The following BTN3A2 variants were observed in gnomAD, a reference collection of about 807,000 sequenced individuals.
BTN3A2 encodes butyrophilin subfamily 3 member A2.
Under a neutral mutation model 37.6 loss-of-function variants are expected in BTN3A2, and 25 were observed. That is an observed-to-expected ratio of 0.66 (90% CI 0.48 to 0.93). BTN3A2 has a LOEUF of 0.93. Ranked by LOEUF, BTN3A2 falls within the 40% of genes least tolerant of loss-of-function variation. The pLI, the probability that BTN3A2 is intolerant of heterozygous loss-of-function variation, is 0.00. For missense variants in BTN3A2, 266 were observed against 410.9 expected (o/e 0.65, Z 3.05); for synonymous variants, 122 against 159.4 (o/e 0.77, Z 1.77).
rs887331034 is a variant in BTN3A2 at position 26,366,156 on chromosome 6, G to A, written c.-67+804G>A. ...TGAGCCTACTCTGACTCAGAAAGCC[G>A]CTCCTAAAGAAGAAAAAAGAACAAA... On this transcript the variant is annotated intron_variant, in intron 1 of 10. Coordinates refer to ENST00000377708, the MANE Select transcript of BTN3A2 (RefSeq NM_007047.5). 8.6e-5 allele frequency among the ~76,000 whole-genome samples: 13 copies of A among 151,858 alleles called. No individual in the cohort carries two copies. The East Asian group carries it at 9.6e-4, about 11-fold the overall frequency.
rs1985732 is a variant in BTN3A2, at chr6:26,375,933, A to G, written c.*171A>G. 0.28 allele frequency: 398,202 copies of G among 1,397,376 alleles called. 58,114 individuals are homozygous for G. Among genetic ancestry groups the G allele is most frequent in the African/African-American group, 0.34 (23,622 of 69,912 alleles). 86.6% of individuals were successfully genotyped at this position (1,397,376 alleles called of 1,614,324 possible). On this transcript the variant is annotated 3_prime_UTR_variant, in exon 11 of 11. Transcript: ENST00000377708. ...TGAAAATTAACCTCTGAGGGCCAGCACAGCAGCTCATGCCTGTAATCCTAG... is the reference window on the plus strand; with the variant it reads ...TGAAAATTAACCTCTGAGGGCCAGCGCAGCAGCTCATGCCTGTAATCCTAG...
intron 9 of BTN3A2, 98 bp downstream of exon 9, chr6:26,374,471 C>T (rs1760501883): frequency 7.5e-7 from 1 of 1,338,386 alleles, no homozygotes; most frequent in Admixed American, 1.8e-5. Context: ...AATCTAAAGA[C>T]TCAATTTCTG....
chr6:26,372,644 G>A (rs1760225153), intron 5 of BTN3A2: 2 of 475,702 alleles, frequency 4.2e-6, no homozygotes, highest in Admixed American at 3.6e-5. Context: ...GAAAAAATGT[G>A]TATGACTTTG....
intron 10 of BTN3A2, 103 bp downstream of exon 10, chr6:26,374,901 C>T (rs1760555635): frequency 8.0e-7 from 1 of 1,248,948 alleles, no homozygotes; most frequent in Admixed American, 2.2e-5. Flanking sequence ...AGAAAAGTTC[C>T]CTTGACTTCC....
rs775506261 is a variant in BTN3A2, at chr6:26,368,780, C to A, written c.301C>A (p.Arg101=). Residue 101 remains arginine (R), a synonymous_variant, in exon 4 of 11, where the codon CGG becomes AGG. Transcript: ENST00000377708. ...APYRGRTSIL[R]DGITAGKAAL... ...GTATCGAGGGAGAACTTCGATTCTG[C>A]GGGATGGCATCACTGCAGGGAAGGC... The A allele has an allele frequency of 5.0e-6, 8 of 1,611,012 alleles. No homozygotes were observed. In the East Asian group the frequency reaches 1.6e-4, roughly 31 times the overall value.
At position 26,378,265 on chromosome 6, in the gene BTN3A2, A is replaced by G. The variant is rs183301625; in HGVS notation, c.*2503A>G. The G allele has an allele frequency of 6.6e-6, 1 of 152,168 alleles. No homozygotes were observed. The highest frequency in any genetic ancestry group is 2.4e-5 in the African/African-American group (1 of 41,416). The allele number at this position is 152,168 out of a possible 1,614,324, so 9.4% of individuals were successfully genotyped here. ...ACCACTGTATCCCCTCTACTGGGCA[A>G]GTGCTTGTCAAGTTCTAGTTGTTCA... On this transcript the variant is annotated 3_prime_UTR_variant, in exon 11 of 11. Coordinates refer to ENST00000377708, the MANE Select transcript of BTN3A2 (RefSeq NM_007047.5).
chr6:26,370,066 CT>C (rs959210282), intron 4 of BTN3A2, among the ~76,000 whole-genome samples: 8 of 152,196 alleles, frequency 5.3e-5, no homozygotes, highest in African/African-American at 1.9e-4. Flanking sequence ...TGAATCTCTT[CT>C]TTTTTGTGTT....
intron 4 of BTN3A2, among the ~76,000 whole-genome samples, chr6:26,369,491 G>A (rs956654345): frequency 6.6e-6 from 1 of 152,184 alleles, no homozygotes; most frequent in Non-Finnish European, 1.5e-5. Flanking sequence ...TTGGGGCCGG[G>A]GGAGTTCATA....
intron 4 of BTN3A2, 131 bp from the exon 5 acceptor site, chr6:26,370,191 C>A (rs1159117121): frequency 1.6e-6 from 2 of 1,255,684 alleles, no homozygotes; most frequent in Non-Finnish European, 2.2e-6. Context: ...TCATCATGAC[C>A]ACACTTTTGT....
Position 26,370,464 on chromosome 6 carries a change from A to G in BTN3A2, c.576A>G (p.Ala192=), listed in dbSNP as rs779068325. The G allele has an allele frequency of 6.2e-7, 1 of 1,614,068 alleles. No individual in the cohort carries two copies. Among genetic ancestry groups the G allele is most frequent in the Non-Finnish European group, 8.5e-7 (1 of 1,180,042 alleles). The change falls in exon 5 of 11, where the codon GCA becomes GCG. Residue 192 remains alanine (A), a synonymous_variant. Transcript: ENST00000377708. ...GAGAGAACATCCCAGCTGTGGAAGC[A>G]CCTGTGGTTGCAGATGGAGTGGGCC... is the stretch of plus-strand genomic sequence containing the variant. ...AKGENIPAVE[A]PVVADGVGLY...
intron 1 of BTN3A2, among the ~76,000 whole-genome samples, 173 bp downstream of exon 1, chr6:26,365,525 T>TACATGTGC (rs1761982084): frequency 6.6e-6 from 1 of 151,140 alleles, no homozygotes; most frequent in Non-Finnish European, 1.5e-5. Context: ...TGTACATGTG[T>TACATGTGC]ACATGTGCAC....
chr6:26,365,448 C>T, intron 1 of BTN3A2, 96 bp downstream of exon 1: 2 of 1,400,426 alleles, frequency 1.4e-6, no homozygotes, highest in Non-Finnish European at 1.9e-6. Context: ...AGGGAGAGTA[C>T]TCTCCCAGAG....
rs1554126089 is a variant in BTN3A2, at chr6:26,374,307, C to T, written c.965-20C>T. The T allele has an allele frequency of 6.5e-7, 1 of 1,546,854 alleles. No individual in the cohort carries two copies. The highest frequency in any genetic ancestry group is 8.8e-7 in the Non-Finnish European group (1 of 1,141,162). On this transcript the variant is annotated intron_variant, in intron 8 of 10. Transcript: ENST00000377708. ...AAAAGGCAGAGTTCTGGTGACACCT[C>T]TACCTTTCTTTCATTGTAGGTGGAG...
chr6:26,374,374 G>T lies in BTN3A2; in HGVS notation c.*6+1G>T. ...TACCAATAAGTCAGCCTGATGCTCT[G>T]TAAGTTTGCTGGGTCACATGCCCTG... On this transcript the variant is annotated splice_donor_variant, in intron 9 of 10. Transcript: ENST00000377708. LOFTEE classifies it low-confidence loss of function (3UTR_SPLICE). 1 of 1,613,664 alleles carries T rather than the reference G, an allele frequency of 6.2e-7. No homozygotes were observed. The highest frequency in any genetic ancestry group is 1.1e-5 in the South Asian group (1 of 91,064).
intron 5 of BTN3A2, among the ~76,000 whole-genome samples, chr6:26,371,267 T>TAAATA (rs897428061): frequency 2.7e-5 from 4 of 148,270 alleles, no homozygotes; most frequent in African/African-American, 5.0e-5. Context: ...TCTCAAAAAA[T>TAAATA]AAATAAAATA....
chr6:26,370,574 T>C lies in BTN3A2; in HGVS notation c.686T>C (p.Leu229Pro). ...SCIIRNSLLG[L>P]EKTASISIAD... Reference sequence around the variant, plus strand: ...ATCATCAGAAATTCCCTCCTCGGCCTGGAAAAGACAGCCAGCATTTCCATC... The same window carrying C: ...ATCATCAGAAATTCCCTCCTCGGCCCGGAAAAGACAGCCAGCATTTCCATC... The change falls in exon 5 of 11, where the codon CTG (leucine) becomes CCG (proline). Residue 229 changes from leucine to proline, a missense_variant. Around this residue, in one of 3 missense-constraint regions of BTN3A2, gnomAD observed 204 missense variants for 232.6 expected, o/e 0.88. Coordinates refer to ENST00000377708, the MANE Select transcript of BTN3A2 (RefSeq NM_007047.5). 1 of 1,614,182 alleles carries C rather than the reference T, an allele frequency of 6.2e-7. No individual in the cohort carries two copies. Among genetic ancestry groups the C allele is most frequent in the Non-Finnish European group, 8.5e-7 (1 of 1,180,014 alleles).
intron 8 of BTN3A2, 52 bp downstream of exon 8, chr6:26,373,465 C>G: frequency 6.4e-7 from 1 of 1,572,736 alleles, no homozygotes. Context: ...TCTCTCTCTG[C>G]TTCATTATTT....
At position 26,365,245 on chromosome 6, in the gene BTN3A2, T is replaced by C. The variant is rs2113663245; in HGVS notation, c.-174T>C. 6.8e-7 allele frequency: 1 copy of C among 1,459,958 alleles called. No individual in the cohort carries two copies. The highest frequency in any genetic ancestry group is 9.3e-7 in the Non-Finnish European group (1 of 1,079,998). 90.4% of individuals were successfully genotyped at this position (1,459,958 alleles called of 1,614,324 possible). On this transcript the variant is annotated 5_prime_UTR_variant, in exon 1 of 11. Coordinates refer to ENST00000377708, the MANE Select transcript of BTN3A2 (RefSeq NM_007047.5). ...GAGAAGACAATATTTGCTTTCTCTT[T>C]TTCCTTTCTTCCGGATGAGAGGCTA...
In BTN3A2 at chr6:26,368,697, G is replaced by A. The variant is rs1759783857; in HGVS notation, c.218G>A (p.Arg73Lys). The stretch of plus-strand genomic sequence containing the variant: ...CTGAAGTGGGTAAGTTCCAGCCTAA[G>A]GCAGGTGGTGAACGTGTATGCAGAT... Reference protein sequence around the residue: ...MELKWVSSSLRQVVNVYADGK... With the variant: ...MELKWVSSSLKQVVNVYADGK... The change falls in exon 4 of 11, where the codon AGG (arginine) becomes AAG (lysine). Residue 73 changes from arginine to lysine, a missense_variant. Coordinates refer to ENST00000377708, the MANE Select transcript of BTN3A2 (RefSeq NM_007047.5). 1 of 1,613,930 alleles carries A rather than the reference G, an allele frequency of 6.2e-7. No individual in the cohort carries two copies. The highest frequency in any genetic ancestry group is 1.3e-5 in the African/African-American group (1 of 74,956).
Sources: gnomAD v4.1 joint callset for allele counts (sites outside exome capture counted in the v4.1 genomes callset) on GRCh38, gnomAD v4.1.1 for gene constraint, gnomAD v4.1.1 regional missense constraint, MANE v1.5 for transcripts, NCBI Gene and HGNC (gene_info 2026-07-23, HGNC 2026-07-21) for gene names.